The following STOX2 variants were observed in gnomAD, a reference collection of about 807,000 sequenced individuals.
STOX2 encodes the protein storkhead box 2.
A neutral mutation model predicts 60.9 loss-of-function variants in STOX2; 28 were observed. That is an observed-to-expected ratio of 0.46 (90% CI 0.34 to 0.63). The LOEUF (loss-of-function observed/expected upper bound fraction) is 0.63, where lower values mean the gene tolerates loss of function less well. STOX2 is among the 30% of genes least tolerant of loss of function. STOX2 has a pLI of 0.01. For synonymous variants in STOX2, 472 were observed against 463.9 expected, an observed-to-expected ratio of 1.02 and a Z score of -0.22; for missense variants, 1,024 against 1,187.7, an observed-to-expected ratio of 0.86 and a Z score of 2.03.
intron 1 of STOX2, among the ~76,000 whole-genome samples, chr4:183,890,902 G>C (rs1560866338): frequency 6.6e-6 from 1 of 152,154 alleles, no homozygotes; most frequent in Non-Finnish European, 1.5e-5. Context: ...AAGGCCAGGA[G>C]TTTGAGATCA....
intron 1 of STOX2, among the ~76,000 whole-genome samples, chr4:183,912,250 T>A (rs1344510106): frequency 2.0e-5 from 3 of 152,208 alleles, no homozygotes; most frequent in Non-Finnish European, 4.4e-5. Flanking sequence ...GGTTTTGTTA[T>A]TTTAAAATCT....
chr4:183,878,357 G>A (rs1740878136), intron 1 of STOX2, among the ~76,000 whole-genome samples: 1 of 152,154 alleles, frequency 6.6e-6, no homozygotes, highest in African/African-American at 2.4e-5. Flanking sequence ...GTTTTTTGGT[G>A]TTTTTTGAAA....
chr4:184,015,640 A>C (rs2111259736), intron 3 of STOX2: 1 of 152,356 alleles, frequency 6.6e-6, no homozygotes, highest in African/African-American at 2.4e-5. Context: ...AAGGGCTGTC[A>C]GAGTACAGGA....
At chr4:183,801,787 G>C (rs567531141) in intron 1 of STOX2, among the ~76,000 whole-genome samples, 2 of 152,176 alleles carry the variant, frequency 1.3e-5, no homozygotes, top group East Asian at 1.9e-4. Flanking sequence ...CAGATGTGAA[G>C]ATCTAGAAGC....
At chr4:183,870,257 G>A (rs1740658630) in intron 1 of STOX2, among the ~76,000 whole-genome samples, 1 of 152,176 alleles carries the variant, frequency 6.6e-6, no homozygotes, top group African/African-American at 2.4e-5. Context: ...AACACTACAT[G>A]TGATTGTGTT....
intron 1 of STOX2, among the ~76,000 whole-genome samples, chr4:183,827,579 A>G (rs1207317286): frequency 1.3e-5 from 2 of 152,166 alleles, no homozygotes; most frequent in East Asian, 3.8e-4. Context: ...TAATCAACAC[A>G]TGGCCCATGT....
chr4:183,961,196 G>A (rs1014695408), intron 1 of STOX2, among the ~76,000 whole-genome samples: 3 of 152,270 alleles, frequency 2.0e-5, no homozygotes, highest in Non-Finnish European at 2.9e-5. Context: ...CTGGTTCATC[G>A]TGTCACAAAT....
intron 1 of STOX2, among the ~76,000 whole-genome samples, chr4:183,937,045 A>G (rs1253512946): frequency 6.6e-6 from 1 of 152,228 alleles, no homozygotes; most frequent in Non-Finnish European, 1.5e-5. Context: ...TAATTATGAC[A>G]GTATCTTGAA....
At chr4:183,807,754 C>T (rs1300412521) in intron 1 of STOX2, among the ~76,000 whole-genome samples, 2 of 152,258 alleles carry the variant, frequency 1.3e-5, no homozygotes, top group East Asian at 3.9e-4. Flanking sequence ...AAGCAGTGGG[C>T]TGTCAGCAGG....
At chr4:183,941,091 A>G (rs993646621) in intron 1 of STOX2, among the ~76,000 whole-genome samples, 3 of 152,214 alleles carry the variant, frequency 2.0e-5, no homozygotes, top group African/African-American at 7.2e-5. Flanking sequence ...AAGTTAGTAA[A>G]AACACATTAG....
At chr4:183,971,064 T>C (rs1445087355) in intron 1 of STOX2, among the ~76,000 whole-genome samples, 1 of 152,230 alleles carries the variant, frequency 6.6e-6, no homozygotes, top group East Asian at 1.9e-4. Flanking sequence ...AGTGTAACTG[T>C]CAAGATGTAA....
intron 1 of STOX2, among the ~76,000 whole-genome samples, chr4:183,817,498 G>A (rs1316606831): frequency 1.3e-5 from 2 of 152,170 alleles, no homozygotes; most frequent in Admixed American, 1.3e-4. Flanking sequence ...AAGTCCTCAG[G>A]TGGAGCATTG....
intron 1 of STOX2, among the ~76,000 whole-genome samples, chr4:183,799,497 T>A (rs1421651606): frequency 2.0e-5 from 3 of 152,224 alleles, no homozygotes; most frequent in Non-Finnish European, 4.4e-5. Flanking sequence ...GAAATTCGAT[T>A]TCACACTTTT....
chr4:183,970,398 C>G (rs1743709223), intron 1 of STOX2, among the ~76,000 whole-genome samples: 1 of 152,084 alleles, frequency 6.6e-6, no homozygotes, highest in Non-Finnish European at 1.5e-5. Context: ...ACACTGTTTT[C>G]TCAGTTGGGT....
chr4:183,946,966 G>A (rs1378581230), intron 1 of STOX2, among the ~76,000 whole-genome samples: 1 of 152,020 alleles, frequency 6.6e-6, no homozygotes, highest in Non-Finnish European at 1.5e-5. Context: ...ATTATGTCTT[G>A]TAAGTAATCT....
chr4:183,866,042 A>G (rs972815255), intron 1 of STOX2, among the ~76,000 whole-genome samples: 1 of 152,192 alleles, frequency 6.6e-6, no homozygotes, highest in African/African-American at 2.4e-5. Context: ...AGACCTGGGT[A>G]TGAGGAGCAG....
In STOX2 at chr4:184,020,084, T is replaced by C. The variant is rs1734524914; in HGVS notation, c.*2800T>C. The C allele has an allele frequency of 6.6e-6, 1 of 152,240 alleles. No individual in the cohort carries two copies. The highest frequency in any genetic ancestry group is 2.4e-5 in the African/African-American group (1 of 41,460). The allele number at this position is 152,240 out of a possible 1,614,324, so 9.4% of individuals were successfully genotyped here. On this transcript the variant is annotated 3_prime_UTR_variant, in exon 4 of 4. Transcript: ENST00000308497. ...ACAACATATTACTTTATGGTAATTT[T>C]TATTTTTACATATAACTACCTCCAT...
At chr4:183,803,266 G>T (rs1355733631) in intron 1 of STOX2, among the ~76,000 whole-genome samples, 1 of 152,046 alleles carries the variant, frequency 6.6e-6, no homozygotes, top group Non-Finnish European at 1.5e-5. Context: ...TTTGGGTGGG[G>T]ACACAGCTCC....
chr4:183,929,735 A>G (rs976239679), intron 1 of STOX2, among the ~76,000 whole-genome samples: 3 of 152,232 alleles, frequency 2.0e-5, no homozygotes, highest in Non-Finnish European at 4.4e-5. Context: ...GGGCCACAGC[A>G]TCGACAAGCT....
Sources: allele counts gnomAD v4.1 joint callset (sites outside exome capture counted in the v4.1 genomes callset), GRCh38; gene constraint gnomAD v4.1.1; transcripts MANE v1.5; gene names NCBI Gene and HGNC (gene_info 2026-07-23, HGNC 2026-07-21).